Variants in RAD51D observed in about 807,000 individuals in gnomAD.
The protein encoded by RAD51D is RAD51 paralog D, also known as DNA repair protein RAD51 homolog 4.
Under a neutral mutation model 44.1 loss-of-function variants are expected in RAD51D, and 38 were observed. That is an observed-to-expected ratio of 0.86 (90% CI 0.67 to 1.13). The LOEUF (loss-of-function observed/expected upper bound fraction) is 1.13, where lower values mean the gene tolerates loss of function less well. Ranked by LOEUF, RAD51D falls within the 50% of genes most tolerant of loss-of-function variation. RAD51D has a pLI of 0.00. For missense variants in RAD51D, 390 were observed against 414.0 expected, an observed-to-expected ratio of 0.94 and a Z score of 0.50; for synonymous variants, 141 against 166.6, an observed-to-expected ratio of 0.85 and a Z score of 1.18.
chr17:35,099,855 TG>T lies in RAD51D; in HGVS notation c.*1097del, dbSNP rs1255977824. The stretch of plus-strand genomic sequence containing the variant: ...CTTCGTCCCCTCCCAGCCAGGGTCA[TG>T]GCTCTCAGACGGATGGCCACAGTGC... On this transcript the variant is annotated 3_prime_UTR_variant, in exon 10 of 10. Coordinates refer to ENST00000345365, the MANE Select transcript of RAD51D (RefSeq NM_002878.4). 5 of 508,934 alleles carry T rather than the reference TG, an allele frequency of 9.8e-6. No homozygotes were observed. The highest frequency in any genetic ancestry group is 7.7e-5 in the South Asian group (5 of 64,890). The allele number at this position is 508,934 out of a possible 1,614,324, so 31.5% of individuals were successfully genotyped here.
intron 6 of RAD51D, among the ~76,000 whole-genome samples, chr17:35,104,113 A>G (rs1202938292): frequency 6.6e-6 from 1 of 152,144 alleles, no homozygotes; most frequent in Admixed American, 6.6e-5. Flanking sequence ...AAACTACATT[A>G]AAGTCATCAA....
chr17:35,106,025 C>T (rs2091598590), intron 6 of RAD51D: 3 of 454,716 alleles, frequency 6.6e-6, no homozygotes, highest in Non-Finnish European at 1.3e-5. Flanking sequence ...ATAGCATGGA[C>T]CTGCCAACCT....
At position 35,103,204 on chromosome 17, in the gene RAD51D, A is replaced by T. The variant is rs940017848; in HGVS notation, c.738+50T>A. ...AAGCTGACATTTAAGGGAAATAAAG[A>T]GCTCGCAATAACTAGAAATCAAGTT... On this transcript the variant is annotated intron_variant, in intron 8 of 9. Coordinates refer to ENST00000345365, the MANE Select transcript of RAD51D (RefSeq NM_002878.4). This position sits in a 1 kb window ranked among gnomAD's most constrained non-coding sequence, Gnocchi z 4.1. The T allele has an allele frequency of 6.5e-7, 1 of 1,533,008 alleles. No homozygotes were observed. Among genetic ancestry groups the T allele is most frequent in the Non-Finnish European group, 8.9e-7 (1 of 1,125,762 alleles). The allele number at this position is 1,533,008 out of a possible 1,614,324, so 95.0% of individuals were successfully genotyped here.
chr17:35,118,979 A>G, intron 2 of RAD51D, 132 bp downstream of exon 2: 1 of 811,170 alleles, frequency 1.2e-6, no homozygotes, highest in Non-Finnish European at 2.1e-6. Flanking sequence ...CTGACTTCTG[A>G]CTCCAAGTGA....
At chr17:35,101,556 T>C (rs1390371041) in intron 8 of RAD51D, among the ~76,000 whole-genome samples, 191 bp from the exon 9 acceptor site, 1 of 152,116 alleles carries the variant, frequency 6.6e-6, no homozygotes, top group Non-Finnish European at 1.5e-5. Flanking sequence ...TTCCACTAAA[T>C]CTCGATGCCT....
rs546225564 is a variant in RAD51D at position 35,119,561 on chromosome 17, T to C, written c.53A>G (p.Gln18Arg). 1.5e-5 allele frequency: 24 copies of C among 1,612,784 alleles called. No individual in the cohort carries two copies. The South Asian group carries it at 2.6e-4, about 18-fold the overall frequency. ...LCPGLTEEMIQLLRSHRIKTV... is the reference protein window; with the variant it reads ...LCPGLTEEMIRLLRSHRIKTV... Reference sequence around the variant, plus strand: ...CTTGATCCTGTGGCTCCTGAGAAGCTGGATCATCTCCTCGGTAAGGCCAGG... The same window carrying C: ...CTTGATCCTGTGGCTCCTGAGAAGCCGGATCATCTCCTCGGTAAGGCCAGG... The change falls in exon 1 of 10, where the codon CAG (glutamine) becomes CGG (arginine). Residue 18 changes from glutamine to arginine, a missense_variant. Gln to Arg is a conservative substitution (Grantham distance 43, BLOSUM62 1). Transcript: ENST00000345365.
intron 3 of RAD51D, among the ~76,000 whole-genome samples, chr17:35,110,797 C>A (rs1210578648): frequency 6.6e-6 from 1 of 152,118 alleles, no homozygotes; most frequent in African/African-American, 2.4e-5. Flanking sequence ...CATAATGAAA[C>A]CCTGTCTCTA....
At position 35,100,898 on chromosome 17, in the gene RAD51D, A is replaced by T. The variant is rs2142408103; in HGVS notation, c.*55T>A. On this transcript the variant is annotated 3_prime_UTR_variant, in exon 10 of 10. Transcript: ENST00000345365. Reference sequence around the variant, plus strand: ...CAGTAAACAGCAGGCGTTACTGGGAAGAAAAGTTGGGAGGGGTCCCCAATG... The same window carrying T: ...CAGTAAACAGCAGGCGTTACTGGGATGAAAAGTTGGGAGGGGTCCCCAATG... 2 of 1,465,774 alleles carry T rather than the reference A, an allele frequency of 1.4e-6. No individual in the cohort carries two copies. Among genetic ancestry groups the T allele is most frequent in the Middle Eastern group, 4.1e-4 (2 of 4,858 alleles). 90.8% of individuals were successfully genotyped at this position (1,465,774 alleles called of 1,614,324 possible).
In RAD51D at chr17:35,093,363, T is replaced by A. The variant is rs979655075; in HGVS notation, c.*7590A>T. 4.6e-5 allele frequency: 7 copies of A among 152,358 alleles called. No homozygotes were observed. Among genetic ancestry groups the A allele is most frequent in the African/African-American group, 1.7e-4 (7 of 41,578 alleles). 9.4% of individuals were successfully genotyped at this position (152,358 alleles called of 1,614,324 possible). A position where few individuals can be genotyped will look rare whatever the true frequency, so the allele number is the denominator to read the frequency against. On this transcript the variant is annotated 3_prime_UTR_variant, in exon 10 of 10. Coordinates refer to ENST00000345365, the MANE Select transcript of RAD51D (RefSeq NM_002878.4). ...AAAAATCCTGTTCCTTGACTTTGTA[T>A]CTTTGTCAGCACAGGCCCATTGTTT...
At chr17:35,114,950 T>C (rs2091719338) in intron 3 of RAD51D, among the ~76,000 whole-genome samples, 1 of 152,194 alleles carries the variant, frequency 6.6e-6, no homozygotes, top group Admixed American at 6.5e-5. Context: ...TGGTGTTGAC[T>C]CTAGTCAAGA....
Position 35,119,855 on chromosome 17 carries a change from G to C in RAD51D, c.-242C>G, listed in dbSNP as rs758400969. The C allele has an allele frequency of 2.8e-5, 18 of 653,848 alleles. 1 individual carries two copies. The allele number at this position is 653,848 out of a possible 1,614,324, so 40.5% of individuals were successfully genotyped here. ...GCCCGCCGGGTCGCGCCGCGCTGCCGCTTCCGGGTTCCAGGCTGGCGCGCG... is the reference window on the plus strand; with the variant it reads ...GCCCGCCGGGTCGCGCCGCGCTGCCCCTTCCGGGTTCCAGGCTGGCGCGCG... On this transcript the variant is annotated 5_prime_UTR_variant, in exon 1 of 10. Transcript: ENST00000345365.
intron 6 of RAD51D, among the ~76,000 whole-genome samples, chr17:35,105,651 G>C (rs1187393401): frequency 6.6e-6 from 1 of 152,130 alleles, no homozygotes; most frequent in Non-Finnish European, 1.5e-5. Context: ...CCCAACATGA[G>C]TAGCAAAGTG....
chr17:35,115,014 C>T (rs940694269), intron 3 of RAD51D, among the ~76,000 whole-genome samples: 1 of 152,170 alleles, frequency 6.6e-6, no homozygotes, highest in Non-Finnish European at 1.5e-5. Flanking sequence ...TTCCCAAATC[C>T]ACCTTCCAGC....
rs555128704 is a variant in RAD51D at position 35,092,521 on chromosome 17, C to T, written c.*8432G>A. 10 of 152,192 alleles carry T rather than the reference C, an allele frequency of 6.6e-5. No homozygotes were observed. The highest frequency in any genetic ancestry group is 2.2e-4 in the African/African-American group (9 of 41,532). 9.4% of individuals were successfully genotyped at this position (152,192 alleles called of 1,614,324 possible). A position where few individuals can be genotyped will look rare whatever the true frequency, so the allele number is the denominator to read the frequency against. ...TATTTTACCAACAAAGAATGTAATT[C>T]CCCTGCAACATACACTTTACCAGTA... is the stretch of plus-strand genomic sequence containing the variant. On this transcript the variant is annotated 3_prime_UTR_variant, in exon 10 of 10. Coordinates refer to ENST00000345365, the MANE Select transcript of RAD51D (RefSeq NM_002878.4).
chr17:35,119,748 G>T lies in RAD51D; in HGVS notation c.-135C>A. 1 of 863,430 alleles carries T rather than the reference G, an allele frequency of 1.2e-6. No homozygotes were observed. The highest frequency in any genetic ancestry group is 1.9e-6 in the Non-Finnish European group (1 of 529,928). The allele number at this position is 863,430 out of a possible 1,614,324, so 53.5% of individuals were successfully genotyped here. A position where few individuals can be genotyped will look rare whatever the true frequency, so the allele number is the denominator to read the frequency against. ...GCGCTGGCTGCCGGAGGAGAAAGGA[G>T]AGAGGAGGAGGCGGCACCAAGGGTA... On this transcript the variant is annotated 5_prime_UTR_variant, in exon 1 of 10. Coordinates refer to ENST00000345365, the MANE Select transcript of RAD51D (RefSeq NM_002878.4).
intron 3 of RAD51D, among the ~76,000 whole-genome samples, chr17:35,112,589 G>C (rs552272739): frequency 1.0e-3 from 159 of 152,112 alleles, no homozygotes; most frequent in African/African-American, 3.7e-3. Flanking sequence ...TATTGGCCAG[G>C]CTGGTCTCGA....
intron 3 of RAD51D, among the ~76,000 whole-genome samples, chr17:35,108,905 C>T (rs1318742818): frequency 2.1e-5 from 3 of 144,616 alleles, no homozygotes; most frequent in Non-Finnish European, 3.0e-5. Flanking sequence ...CTCGCTCTGT[C>T]GCCCAGGCTG....
intron 3 of RAD51D, among the ~76,000 whole-genome samples, chr17:35,108,497 T>TTA (rs1426635679): frequency 5.1e-5 from 4 of 78,406 alleles, no homozygotes; most frequent in African/African-American, 1.9e-4. Flanking sequence ...CTTTTCTCTT[T>TTA]AAAAAAAAAA....
At chr17:35,119,411 G>A in intron 1 of RAD51D, 121 bp downstream of exon 1, 1 of 1,193,684 alleles carries the variant, frequency 8.4e-7, no homozygotes, top group Admixed American at 1.7e-5. Flanking sequence ...CCAGAAGCGC[G>A]GCCCTCTAGG....
Sources: allele counts gnomAD v4.1 joint callset (sites outside exome capture counted in the v4.1 genomes callset), GRCh38; gene constraint gnomAD v4.1.1; non-coding constraint Gnocchi (gnomAD v3.1); transcripts MANE v1.5; gene names NCBI Gene and HGNC (gene_info 2026-07-23, HGNC 2026-07-21).